IGSF11: variants seen among roughly 807,000 people sequenced by gnomAD.
IGSF11 encodes the protein immunoglobulin superfamily member 11.
IGSF11 carries 22 observed loss-of-function variants against 41.0 expected under a neutral mutation model. That is an observed-to-expected ratio of 0.54 (90% CI 0.38 to 0.77). The LOEUF is 0.77. IGSF11 is among the 30% of genes least tolerant of loss of function. The probability of loss-of-function intolerance (pLI) is 0.00; values close to 1 mark genes in which losing one functional copy is unlikely to be tolerated. For missense variants in IGSF11, 444 were observed against 530.8 expected (o/e 0.84, Z 1.61); for synonymous variants, 219 against 201.3 (o/e 1.09, Z -0.74).
intron 1 of IGSF11, among the ~76,000 whole-genome samples, chr3:119,140,370 T>G (rs1411003225): frequency 6.6e-6 from 1 of 152,160 alleles, no homozygotes; most frequent in Non-Finnish European, 1.5e-5. Context: ...AATTGTTACT[T>G]GAAAAAGTAC....
At chr3:119,098,445 C>G (rs1218340328) in intron 1 of IGSF11, among the ~76,000 whole-genome samples, 1 of 152,108 alleles carries the variant, frequency 6.6e-6, no homozygotes, top group Non-Finnish European at 1.5e-5. Flanking sequence ...AATACTAAAA[C>G]AATTTTTTTC....
At chr3:119,051,874 T>C (rs1046922195) in intron 1 of IGSF11, among the ~76,000 whole-genome samples, 8 of 152,194 alleles carry the variant, frequency 5.3e-5, no homozygotes, top group Admixed American at 3.9e-4. Context: ...TGGTTCCAAA[T>C]GATCTTTGGA....
intron 6 of IGSF11, among the ~76,000 whole-genome samples, chr3:118,904,287 C>A (rs895100540): frequency 8.5e-5 from 13 of 152,128 alleles, no homozygotes; most frequent in African/African-American, 3.1e-4. Context: ...TTACGGAGTT[C>A]CTTCTTGCTT....
chr3:119,099,816 C>T (rs1448171014), intron 1 of IGSF11, among the ~76,000 whole-genome samples: 1 of 152,154 alleles, frequency 6.6e-6, no homozygotes, highest in Non-Finnish European at 1.5e-5. Context: ...AAACATTTTG[C>T]TGTATATTAG....
At chr3:119,060,591 T>C (rs2107452609) in intron 1 of IGSF11, among the ~76,000 whole-genome samples, 1 of 152,310 alleles carries the variant, frequency 6.6e-6, no homozygotes, top group Admixed American at 6.5e-5. Context: ...ATACAAGTAA[T>C]TTTACTTCAT....
intron 1 of IGSF11, among the ~76,000 whole-genome samples, chr3:119,126,947 C>T (rs1325850090): frequency 6.6e-6 from 1 of 152,018 alleles, no homozygotes; most frequent in African/African-American, 2.4e-5. Flanking sequence ...ATGCTGAAAA[C>T]CCAAAAGGTC....
chr3:118,936,948 C>G (rs1309554380), intron 1 of IGSF11, among the ~76,000 whole-genome samples: 1 of 152,144 alleles, frequency 6.6e-6, no homozygotes, highest in Non-Finnish European at 1.5e-5. Flanking sequence ...ACATGAAATC[C>G]CCCCTGCAAA....
chr3:119,079,657 A>T (rs2076557310), intron 1 of IGSF11, among the ~76,000 whole-genome samples: 1 of 152,234 alleles, frequency 6.6e-6, no homozygotes, highest in Admixed American at 6.5e-5. Flanking sequence ...GGTGGGCTGG[A>T]TAAACAAAAT....
chr3:118,933,470 T>TATA (rs59418588), intron 1 of IGSF11, among the ~76,000 whole-genome samples: 3,158 of 146,102 alleles, frequency 0.022, 170 homozygotes, highest in African/African-American at 0.073. Flanking sequence ...CATGTATTTT[T>TATA]TATATATATA....
intron 3 of IGSF11, among the ~76,000 whole-genome samples, chr3:118,926,696 A>C (rs1330114340): frequency 6.6e-6 from 1 of 152,206 alleles, no homozygotes; most frequent in Admixed American, 6.5e-5. Flanking sequence ...GTTACTTTAC[A>C]AACAAAAACT....
chr3:119,102,806 A>G (rs1289796707), intron 1 of IGSF11, among the ~76,000 whole-genome samples: 1 of 152,020 alleles, frequency 6.6e-6, no homozygotes, highest in Admixed American at 6.6e-5. Flanking sequence ...GCTTCTTCCA[A>G]TAAGACCTTC....
upstream of IGSF11, among the ~76,000 whole-genome samples, chr3:119,039,663 C>A (rs1941042910): frequency 6.6e-6 from 1 of 152,188 alleles, no homozygotes; most frequent in African/African-American, 2.4e-5. Flanking sequence ...TTCTGTTTTT[C>A]CCCTTAGTCA....
At chr3:119,055,578 C>A (rs1246356692) in intron 1 of IGSF11, among the ~76,000 whole-genome samples, 1 of 152,158 alleles carries the variant, frequency 6.6e-6, no homozygotes, top group Non-Finnish European at 1.5e-5. Context: ...AGAAAGTTAA[C>A]AAGGATACCC....
At chr3:119,043,086 C>T (rs1019918717) in intron 1 of IGSF11, among the ~76,000 whole-genome samples, 30 of 152,148 alleles carry the variant, frequency 2.0e-4, no homozygotes, top group African/African-American at 6.3e-4. Context: ...TGGAACCCAG[C>T]GACTAGCGTT....
chr3:119,135,067 C>T (rs552856626), intron 1 of IGSF11, among the ~76,000 whole-genome samples: 32 of 152,196 alleles, frequency 2.1e-4, no homozygotes, highest in East Asian at 1.4e-3. Context: ...TAATTCAAGA[C>T]GGATTAAAGA....
At chr3:118,904,432 T>A (rs1469159710) in intron 6 of IGSF11, among the ~76,000 whole-genome samples, 1 of 152,184 alleles carries the variant, frequency 6.6e-6, no homozygotes, top group Non-Finnish European at 1.5e-5. Context: ...ATCCTCCTAG[T>A]TGGGCACATG....
chr3:118,938,936 A>C (rs1943478015), intron 1 of IGSF11, among the ~76,000 whole-genome samples: 1 of 152,234 alleles, frequency 6.6e-6, no homozygotes, highest in African/African-American at 2.4e-5. Context: ...AAGTACAAGA[A>C]GGAAACACTG....
At chr3:119,014,471 G>A (rs1360856025) in intron 1 of IGSF11, among the ~76,000 whole-genome samples, 1 of 152,142 alleles carries the variant, frequency 6.6e-6, no homozygotes, top group East Asian at 1.9e-4. Flanking sequence ...TTTTTCTTGT[G>A]TAGTATTTTA....
intron 1 of IGSF11, among the ~76,000 whole-genome samples, chr3:119,050,767 C>T (rs1426885292): frequency 6.6e-6 from 1 of 151,554 alleles, no homozygotes; most frequent in Admixed American, 6.6e-5. Flanking sequence ...CAATGATAGA[C>T]TGGATTAAGA....
Sources: gnomAD v4.1 joint callset for allele counts (sites outside exome capture counted in the v4.1 genomes callset) on GRCh38, gnomAD v4.1.1 for gene constraint, MANE v1.5 for transcripts, NCBI Gene and HGNC (gene_info 2026-07-23, HGNC 2026-07-21) for gene names.